SLCO6A1: variants seen among roughly 807,000 people sequenced by gnomAD.
SLCO6A1 encodes the protein solute carrier organic anion transporter family member 6A1.
In SLCO6A1, 65 loss-of-function variants were observed where a neutral mutation model predicts 72.7. The ratio of observed to expected loss-of-function variants is 0.89; its 90% CI spans 0.73 to 1.10. The LOEUF (loss-of-function observed/expected upper bound fraction) is 1.10, where lower values mean the gene tolerates loss of function less well. Ranked by LOEUF, SLCO6A1 falls within the 50% of genes least tolerant of loss-of-function variation. The pLI, the probability that SLCO6A1 is intolerant of heterozygous loss-of-function variation, is 0.00. For synonymous variants in SLCO6A1, 314 were observed against 298.2 expected (o/e 1.05, Z -0.55); for missense variants, 874 against 872.6 (o/e 1.00, Z -0.02).
chr5:102,495,653 A>T (rs181350617), intron 1 of SLCO6A1, among the ~76,000 whole-genome samples: 1 of 152,264 alleles, frequency 6.6e-6, no homozygotes, highest in Admixed American at 6.5e-5. Context: ...AATTGATTGC[A>T]CTGTGGTTTC....
rs560704758 is a variant in SLCO6A1, at chr5:102,380,977, G to C, written c.2018-7483C>G. ...GTTTAATTGACAAATAAATAAAAAG[G>C]GTATATATTTATAGTATAAAGCATT... On this transcript the variant is annotated intron_variant, in intron 12 of 13. Coordinates refer to ENST00000506729, the MANE Select transcript of SLCO6A1 (RefSeq NM_173488.5). 2.4e-4 allele frequency among the ~76,000 whole-genome samples: 37 copies of C among 151,364 alleles called. No homozygotes were observed. The East Asian group carries it at 5.8e-3, about 24-fold the overall frequency.
At chr5:102,484,517 C>T (rs1011885138) in intron 1 of SLCO6A1, among the ~76,000 whole-genome samples, 14 of 151,998 alleles carry the variant, frequency 9.2e-5, no homozygotes, top group Non-Finnish European at 1.5e-4. Context: ...GGCGTGGTGG[C>T]GGGTGCCTGT....
rs545199600 is a variant in SLCO6A1, at chr5:102,484,091, C to T, written c.359-3657G>A. On this transcript the variant is annotated intron_variant, in intron 1 of 13. Transcript: ENST00000506729. ...CAGTTAAAGGTTCCACCACAAGAGT[C>T]AATTGCAGCAGCTATTTTGTCTTTC... is the stretch of plus-strand genomic sequence containing the variant. 2.6e-5 allele frequency among the ~76,000 whole-genome samples: 4 copies of T among 152,302 alleles called. No homozygotes were observed. The East Asian group carries it at 7.7e-4, about 29-fold the overall frequency.
chr5:102,421,238 A>G (rs1367319701), intron 7 of SLCO6A1, among the ~76,000 whole-genome samples: 1 of 150,202 alleles, frequency 6.7e-6, no homozygotes, highest in Admixed American at 6.6e-5. Context: ...TTTTTTTCAT[A>G]CCCCAGTGGC....
chr5:102,466,496 T>C (rs1199728081), intron 4 of SLCO6A1, among the ~76,000 whole-genome samples: 2 of 152,166 alleles, frequency 1.3e-5, no homozygotes, highest in African/African-American at 2.4e-5. Context: ...TATGTGTGCA[T>C]GTGTCTTTAT....
chr5:102,429,425 T>C (rs1749089751), intron 7 of SLCO6A1, among the ~76,000 whole-genome samples: 1 of 152,196 alleles, frequency 6.6e-6, no homozygotes, highest in Non-Finnish European at 1.5e-5. Context: ...TCTAGGGTTT[T>C]TATAGTTTTG....
At chr5:102,480,784 C>T (rs2112831870) in intron 1 of SLCO6A1, among the ~76,000 whole-genome samples, 1 of 152,146 alleles carries the variant, frequency 6.6e-6, no homozygotes, top group African/African-American at 2.4e-5. Flanking sequence ...ATTTATTTAT[C>T]TACCATATAG....
chr5:102,480,602 C>T (rs544961026), intron 1 of SLCO6A1, among the ~76,000 whole-genome samples, 168 bp from the exon 2 acceptor site: 84 of 152,142 alleles, frequency 5.5e-4, no homozygotes, highest in Non-Finnish European at 1.0e-3. Context: ...ATAAATAGGC[C>T]TTAACCTCTA....
chr5:102,431,734 G>C (rs903790834), intron 7 of SLCO6A1, among the ~76,000 whole-genome samples: 8 of 152,112 alleles, frequency 5.3e-5, no homozygotes, highest in Non-Finnish European at 1.0e-4. Context: ...GAGGTCTGTT[G>C]ATGCCTCTCA....
chr5:102,481,788 A>G (rs139273907), intron 1 of SLCO6A1, among the ~76,000 whole-genome samples: 5 of 152,338 alleles, frequency 3.3e-5, no homozygotes, highest in Admixed American at 6.5e-5. Context: ...ATCAATCACA[A>G]TATCTATCTC....
chr5:102,391,160 T>A, intron 10 of SLCO6A1, 115 bp from the exon 11 acceptor site: 1 of 946,226 alleles, frequency 1.1e-6, no homozygotes. Context: ...GTACTAAGAA[T>A]CTTTAGCCAA....
At chr5:102,418,644 TC>T (rs1748423882) in intron 8 of SLCO6A1, among the ~76,000 whole-genome samples, 1 of 152,154 alleles carries the variant, frequency 6.6e-6, no homozygotes, top group Non-Finnish European at 1.5e-5. Context: ...ACCACACTAA[TC>T]CAATTAAGAG....
In SLCO6A1 at chr5:102,373,382, T is replaced by C; in HGVS notation, c.2130A>G (p.Lys710=). The C allele has an allele frequency of 1.9e-6, 3 of 1,572,754 alleles. 1 individual carries two copies. The highest frequency in any genetic ancestry group is 1.2e-5 in the South Asian group (1 of 81,352). ...AGTCAGTTTCTTCTTTTTTCTTAACTTTTGGATTCTTCACAGTTACATCTG... is the reference window on the plus strand; with the variant it reads ...AGTCAGTTTCTTCTTTTTTCTTAACCTTTGGATTCTTCACAGTTACATCTG... ...DFPDVTVKNP[K]VKKKEETDL is the part of the protein sequence containing the mutation. The change falls in exon 13 of 14, where the codon AAA becomes AAG. Residue 710 remains lysine, a synonymous_variant. Transcript: ENST00000506729.
rs1364965440 is a variant in SLCO6A1, at chr5:102,458,301, T to A, written c.1131+81A>T. ...ACCCAGATTTAGGTTGAACCCTTTATGGGTATTTTCATAAGTTCATTATTA... is the reference window on the plus strand; with the variant it reads ...ACCCAGATTTAGGTTGAACCCTTTAAGGGTATTTTCATAAGTTCATTATTA... On this transcript the variant is annotated intron_variant, in intron 6 of 13. Transcript: ENST00000506729. 3.8e-6 allele frequency: 4 copies of A among 1,039,556 alleles called. No homozygotes were observed. The East Asian group carries it at 9.5e-5, about 25-fold the overall frequency. The allele number at this position is 1,039,556 out of a possible 1,614,324, so 64.4% of individuals were successfully genotyped here. A position where few individuals can be genotyped will look rare whatever the true frequency, so the allele number is the denominator to read the frequency against.
chr5:102,438,533 T>G, intron 7 of SLCO6A1, 84 bp downstream of exon 7: 2 of 1,113,764 alleles, frequency 1.8e-6, no homozygotes, highest in Non-Finnish European at 2.5e-6. Context: ...ATTCTTTATA[T>G]TTTTATTTAT....
intron 8 of SLCO6A1, among the ~76,000 whole-genome samples, chr5:102,418,782 C>T (rs1291876680): frequency 1.3e-5 from 2 of 152,120 alleles, no homozygotes; most frequent in Non-Finnish European, 2.9e-5. Context: ...ACACTCTAAA[C>T]TCTATCTCCT....
chr5:102,421,968 C>G (rs943382987), intron 7 of SLCO6A1, among the ~76,000 whole-genome samples: 1 of 152,174 alleles, frequency 6.6e-6, no homozygotes, highest in Non-Finnish European at 1.5e-5. Flanking sequence ...GCTGGTGATA[C>G]CCAGGCAAAC....
chr5:102,413,430 G>A (rs1345827917), intron 8 of SLCO6A1, among the ~76,000 whole-genome samples: 1 of 151,390 alleles, frequency 6.6e-6, no homozygotes, highest in East Asian at 1.9e-4. Context: ...AAACCCAAAA[G>A]TTTCCTTGTG....
chr5:102,401,514 A>G (rs1747397064), intron 9 of SLCO6A1, among the ~76,000 whole-genome samples: 1 of 152,296 alleles, frequency 6.6e-6, no homozygotes, highest in Admixed American at 6.5e-5. Context: ...TTAAAAGTCT[A>G]TAAAATAAAG....
Sources: gnomAD v4.1 joint callset for allele counts (sites outside exome capture counted in the v4.1 genomes callset) on GRCh38, gnomAD v4.1.1 for gene constraint, MANE v1.5 for transcripts, NCBI Gene and HGNC (gene_info 2026-07-23, HGNC 2026-07-21) for gene names.